AGBL4: variants seen among roughly 807,000 people sequenced by gnomAD.
AGBL4 encodes AGBL carboxypeptidase 4, also known as cytosolic carboxypeptidase 6.
AGBL4 carries 58 observed loss-of-function variants against 66.4 expected under a neutral mutation model. That is an observed-to-expected ratio of 0.87 (90% CI 0.71 to 1.09). The LOEUF (loss-of-function observed/expected upper bound fraction) is 1.09, where lower values mean the gene tolerates loss of function less well. Ranked by LOEUF, AGBL4 falls within the 50% of genes least tolerant of loss-of-function variation. The probability of loss-of-function intolerance (pLI) is 0.00; values close to 1 mark genes in which losing one functional copy is unlikely to be tolerated. For missense variants in AGBL4, 579 were observed against 631.0 expected, an observed-to-expected ratio of 0.92 and a Z score of 0.88; for synonymous variants, 234 against 222.9, an observed-to-expected ratio of 1.05 and a Z score of -0.44.
intron 2 of AGBL4, chr1:49,842,039 C>T (rs1310666379): frequency 5.2e-6 from 2 of 384,568 alleles, no homozygotes; most frequent in Non-Finnish European, 9.8e-6. Context: ...CACGTGCAGC[C>T]TCCTCCTTGT....
intron 5 of AGBL4, among the ~76,000 whole-genome samples, chr1:49,044,051 C>T (rs1254426302): frequency 6.6e-6 from 1 of 152,186 alleles, no homozygotes; most frequent in African/African-American, 2.4e-5. Flanking sequence ...GGGGCACAAT[C>T]CACACTTTTT....
chr1:48,693,327 A>C (rs965174934), intron 6 of AGBL4, among the ~76,000 whole-genome samples: 2 of 152,194 alleles, frequency 1.3e-5, no homozygotes, highest in Non-Finnish European at 2.9e-5. Context: ...ACAGAGAGGA[A>C]GCCAGGCTAA....
chr1:49,384,375 T>C lies in AGBL4; in HGVS notation c.283-138511A>G, dbSNP rs999152443. Among the ~76,000 whole-genome samples, 6 of 151,670 alleles carry C rather than the reference T, an allele frequency of 4.0e-5. No individual in the cohort carries two copies. In the East Asian group the frequency reaches 1.2e-3, roughly 30 times the overall value. ...TTGGGAGGTCGAGGCGGGCGGATCATGAGGTCAGGAGCTCGAGACCACCCT... is the reference window on the plus strand; with the variant it reads ...TTGGGAGGTCGAGGCGGGCGGATCACGAGGTCAGGAGCTCGAGACCACCCT... On this transcript the variant is annotated intron_variant, in intron 3 of 13. Transcript: ENST00000371839.
At chr1:48,594,839 A>T (rs74829424) in intron 9 of AGBL4, among the ~76,000 whole-genome samples, 4,521 of 152,072 alleles carry the variant, frequency 0.03, 112 homozygotes, top group South Asian at 0.061. Flanking sequence ...TAACTTCCAG[A>T]CCTGCCCATA....
intron 1 of AGBL4, among the ~76,000 whole-genome samples, chr1:49,991,640 G>T (rs1411118196): frequency 6.6e-6 from 1 of 152,182 alleles, no homozygotes; most frequent in South Asian, 2.1e-4. Context: ...TATCCACATG[G>T]ATATACCATT....
intron 1 of AGBL4, among the ~76,000 whole-genome samples, chr1:49,862,125 A>G (rs1646587757): frequency 6.6e-6 from 1 of 152,186 alleles, no homozygotes; most frequent in Admixed American, 6.5e-5. Context: ...GTGTTGAGGT[A>G]ACTCAAAGAA....
At chr1:48,684,731 T>C (rs1570246396) in intron 6 of AGBL4, among the ~76,000 whole-genome samples, 1 of 152,184 alleles carries the variant, frequency 6.6e-6, no homozygotes, top group East Asian at 1.9e-4. Flanking sequence ...TTTTTCTTTA[T>C]AGAATGCCAA....
At chr1:49,789,595 G>A (rs1002257516) in intron 2 of AGBL4, among the ~76,000 whole-genome samples, 1 of 152,082 alleles carries the variant, frequency 6.6e-6, no homozygotes, top group Non-Finnish European at 1.5e-5. Context: ...TTGCTACAAA[G>A]ATAATAAAAT....
chr1:48,989,650 A>T (rs1193328264), intron 5 of AGBL4, among the ~76,000 whole-genome samples: 2 of 152,266 alleles, frequency 1.3e-5, no homozygotes, highest in East Asian at 3.9e-4. Flanking sequence ...TGCCTGGCTT[A>T]TTTCACCTAA....
chr1:48,962,637 G>A (rs938173898), intron 5 of AGBL4, among the ~76,000 whole-genome samples: 4 of 152,180 alleles, frequency 2.6e-5, no homozygotes, highest in Admixed American at 6.5e-5. Context: ...GATTATTCGG[G>A]CCTTGCTACC....
chr1:49,351,840 T>A (rs1280475544), intron 3 of AGBL4, among the ~76,000 whole-genome samples: 3 of 152,218 alleles, frequency 2.0e-5, no homozygotes, highest in African/African-American at 7.2e-5. Context: ...TCTTCTCAAC[T>A]GTAAAATGAG....
intron 4 of AGBL4, among the ~76,000 whole-genome samples, chr1:49,129,707 C>A (rs2148065048): frequency 6.6e-6 from 1 of 152,250 alleles, no homozygotes; most frequent in South Asian, 2.1e-4. Flanking sequence ...TTAATCCAGT[C>A]TATCATTGTT....
intron 6 of AGBL4, among the ~76,000 whole-genome samples, chr1:48,836,721 G>A (rs1449615497): frequency 4.6e-5 from 7 of 152,170 alleles, no homozygotes; most frequent in African/African-American, 1.7e-4. Flanking sequence ...GTCTTAACAT[G>A]CCTTGTCTCA....
chr1:49,674,482 A>G (rs563621227), intron 3 of AGBL4, among the ~76,000 whole-genome samples: 83 of 149,860 alleles, frequency 5.5e-4, no homozygotes, highest in Non-Finnish European at 1.0e-3. Flanking sequence ...CCAGAGGAGA[A>G]TAAAAAAGAT....
intron 3 of AGBL4, among the ~76,000 whole-genome samples, chr1:49,585,388 G>A (rs939031885): frequency 3.9e-5 from 6 of 152,122 alleles, no homozygotes; most frequent in East Asian, 1.9e-4. Flanking sequence ...GGAAAAGCCC[G>A]TGTGGCAAGG....
intron 11 of AGBL4, among the ~76,000 whole-genome samples, chr1:48,571,531 G>C (rs1035053838): frequency 2.0e-5 from 3 of 152,242 alleles, no homozygotes; most frequent in Non-Finnish European, 2.9e-5. Flanking sequence ...GCATCCTCAT[G>C]ACACTCATGT....
chr1:50,019,302 T>TCACA lies in AGBL4; in HGVS notation c.34+4460_34+4461insTGTG, dbSNP rs1293363873. On this transcript the variant is annotated intron_variant, in intron 1 of 13. Transcript: ENST00000371839. ...CTCTCTCTCTCTCTCTCTCTCTCTCTCTCTCACACACACACACACACACAC... is the reference window on the plus strand; with the variant it reads ...CTCTCTCTCTCTCTCTCTCTCTCTCTCACACTCTCACACACACACACACACACAC... Among the ~76,000 whole-genome samples the TCACA allele has an allele frequency of 6.9e-3, 485 of 70,704 alleles. 4 individuals carry two copies. Among genetic ancestry groups the TCACA allele is most frequent in the East Asian group, 0.019 (29 of 1,506 alleles). The allele number at this position is 70,704 out of a possible 152,430, so 46.4% of individuals were successfully genotyped here. A position where few individuals can be genotyped will look rare whatever the true frequency, so the allele number is the denominator to read the frequency against.
At chr1:48,954,894 A>T (rs1337916560) in intron 5 of AGBL4, among the ~76,000 whole-genome samples, 1 of 152,170 alleles carries the variant, frequency 6.6e-6, no homozygotes, top group East Asian at 1.9e-4. Flanking sequence ...ACCTCAAGAG[A>T]TCAGTGAGAA....
intron 3 of AGBL4, chr1:49,469,739 GATTTA>G (rs1411376936): frequency 2.6e-5 from 4 of 151,752 alleles, no homozygotes; most frequent in African/African-American, 9.7e-5. Flanking sequence ...TAATAATTTT[GATTTA>G]AGCTGCTGCT....
Sources: gnomAD v4.1 joint callset for allele counts (sites outside exome capture counted in the v4.1 genomes callset) on GRCh38, gnomAD v4.1.1 for gene constraint, MANE v1.5 for transcripts, NCBI Gene and HGNC (gene_info 2026-07-23, HGNC 2026-07-21) for gene names.